MALRD1: variants seen among roughly 807,000 people sequenced by gnomAD.
MALRD1 encodes MAM and LDL-receptor class A domain-containing protein 1.
In MALRD1, 247 loss-of-function variants were observed where a neutral mutation model predicts 242.1. That is an observed-to-expected ratio of 1.02 (90% CI 0.92 to 1.13). The LOEUF (loss-of-function observed/expected upper bound fraction) is 1.13, where lower values mean the gene tolerates loss of function less well. Ranked by LOEUF, MALRD1 falls within the 50% of genes most tolerant of loss-of-function variation. The pLI, the probability that MALRD1 is intolerant of heterozygous loss-of-function variation, is 0.00. For synonymous variants in MALRD1, 995 were observed against 866.6 expected, an observed-to-expected ratio of 1.15 and a Z score of -2.60; for missense variants, 2,989 against 2,533.1, an observed-to-expected ratio of 1.18 and a Z score of -3.86.
At chr10:19,178,976 T>G (rs1028293988) in intron 14 of MALRD1, among the ~76,000 whole-genome samples, 3 of 152,182 alleles carry the variant, frequency 2.0e-5, no homozygotes, top group African/African-American at 7.2e-5. Context: ...GACTTGCCGG[T>G]GAGAACAAAC....
At chr10:19,048,106 T>G (rs1433801228), upstream of MALRD1, among the ~76,000 whole-genome samples, 1 of 152,168 alleles carries the variant, frequency 6.6e-6, no homozygotes, top group Non-Finnish European at 1.5e-5. Context: ...GTGTTTCACT[T>G]GTAAAAGTAA....
intron 36 of MALRD1, among the ~76,000 whole-genome samples, chr10:19,645,834 A>C (rs1564512785): frequency 6.6e-6 from 1 of 152,202 alleles, no homozygotes; most frequent in Non-Finnish European, 1.5e-5. Flanking sequence ...CATATGTAAC[A>C]AACCTGCACG....
At chr10:19,409,054 G>T (rs558381920) in intron 28 of MALRD1, among the ~76,000 whole-genome samples, 2 of 152,256 alleles carry the variant, frequency 1.3e-5, no homozygotes, top group East Asian at 3.9e-4. Flanking sequence ...AACATTCTTT[G>T]TAACAGCCAA....
chr10:19,619,259 T>C (rs1839301000), intron 36 of MALRD1, among the ~76,000 whole-genome samples: 1 of 152,008 alleles, frequency 6.6e-6, no homozygotes, highest in African/African-American at 2.4e-5. Context: ...ATAGGTGATG[T>C]TTTTTTCTGG....
chr10:19,501,735 T>C (rs1196069474), intron 31 of MALRD1, among the ~76,000 whole-genome samples: 4 of 151,764 alleles, frequency 2.6e-5, no homozygotes, highest in African/African-American at 7.3e-5. Context: ...ATAAACTCAG[T>C]AGAAAAAGAA....
intron 32 of MALRD1, among the ~76,000 whole-genome samples, chr10:19,553,352 A>T (rs1237031908): frequency 6.6e-6 from 1 of 152,142 alleles, no homozygotes; most frequent in Non-Finnish European, 1.5e-5. Context: ...CATATATCTC[A>T]TGTTATCAAT....
chr10:19,388,651 A>G (rs924440941), intron 27 of MALRD1, among the ~76,000 whole-genome samples: 1 of 152,144 alleles, frequency 6.6e-6, no homozygotes, highest in East Asian at 1.9e-4. Context: ...TTAAAGCCAC[A>G]TATGTTAAGG....
intron 33 of MALRD1, among the ~76,000 whole-genome samples, chr10:19,585,849 A>G (rs954110518): frequency 6.6e-6 from 1 of 152,010 alleles, no homozygotes; most frequent in Admixed American, 6.6e-5. Flanking sequence ...TCTCCCTGTC[A>G]CTTTCAGGTA....
chr10:19,462,862 C>T (rs1414931738), intron 29 of MALRD1, among the ~76,000 whole-genome samples: 1 of 152,060 alleles, frequency 6.6e-6, no homozygotes, highest in Admixed American at 6.5e-5. Flanking sequence ...TGCTTTAGCT[C>T]TGGTTATTAT....
At chr10:19,636,885 T>G (rs1251558130) in intron 36 of MALRD1, among the ~76,000 whole-genome samples, 3 of 141,166 alleles carry the variant, frequency 2.1e-5, no homozygotes, top group Admixed American at 7.1e-5. Context: ...GGTGACAGAG[T>G]GAGACTCTGT....
At chr10:19,674,349 A>G (rs1352396878) in intron 36 of MALRD1, among the ~76,000 whole-genome samples, 6 of 152,176 alleles carry the variant, frequency 3.9e-5, no homozygotes, top group Admixed American at 2.6e-4. Context: ...CAGAGTTTAC[A>G]CTTTTTATCT....
intron 38 of MALRD1, among the ~76,000 whole-genome samples, chr10:19,695,111 T>C (rs766516928): frequency 1.3e-5 from 2 of 152,094 alleles, no homozygotes; most frequent in Non-Finnish European, 2.9e-5. Flanking sequence ...TTAGGAGATA[T>C]ACCCAATGTA....
chr10:19,318,526 T>A (rs531784371), intron 21 of MALRD1, among the ~76,000 whole-genome samples: 78 of 151,522 alleles, frequency 5.1e-4, no homozygotes, highest in East Asian at 2.5e-3. Context: ...GTTTTTTTTT[T>A]TTATTATTTG....
At chr10:19,653,427 G>C (rs1589363216) in intron 36 of MALRD1, among the ~76,000 whole-genome samples, 1 of 152,078 alleles carries the variant, frequency 6.6e-6, no homozygotes, top group East Asian at 1.9e-4. Flanking sequence ...TCAAACTCCT[G>C]GTCTTAAGCA....
chr10:19,518,470 AGTT>A (rs975032811), intron 31 of MALRD1, among the ~76,000 whole-genome samples: 3 of 152,092 alleles, frequency 2.0e-5, no homozygotes, highest in Non-Finnish European at 2.9e-5. Flanking sequence ...ATAATGTCAA[AGTT>A]GATATTTTAT....
At chr10:19,568,621 T>C (rs1420357456) in intron 33 of MALRD1, among the ~76,000 whole-genome samples, 1 of 152,064 alleles carries the variant, frequency 6.6e-6, no homozygotes, top group Non-Finnish European at 1.5e-5. Flanking sequence ...AAAAATCTCA[T>C]ATAATCACCA....
At chr10:19,524,918 T>C (rs1029077034) in intron 31 of MALRD1, among the ~76,000 whole-genome samples, 3 of 151,428 alleles carry the variant, frequency 2.0e-5, no homozygotes, top group African/African-American at 7.3e-5. Flanking sequence ...TTATTATTAT[T>C]TTGAGATGGA....
intron 32 of MALRD1, among the ~76,000 whole-genome samples, chr10:19,533,314 G>T (rs1280969066): frequency 2.0e-5 from 3 of 152,152 alleles, no homozygotes; most frequent in Non-Finnish European, 4.4e-5. Flanking sequence ...TTTCTAACCA[G>T]AAGGCAGCAG....
At chr10:19,488,069 AT>A (rs1231390551) in intron 29 of MALRD1, among the ~76,000 whole-genome samples, 1 of 149,730 alleles carries the variant, frequency 6.7e-6, no homozygotes, top group Non-Finnish European at 1.5e-5. Context: ...GAACTGCTGA[AT>A]TTTATTTAAT....
Sources: allele counts gnomAD v4.1 joint callset (sites outside exome capture counted in the v4.1 genomes callset), GRCh38; gene constraint gnomAD v4.1.1; transcripts MANE v1.5; gene names NCBI Gene and HGNC (gene_info 2026-07-23, HGNC 2026-07-21).